CELF2: variants seen among roughly 807,000 people sequenced by gnomAD.
CELF2 encodes CUG triplet repeat RNA-binding protein 2.
In CELF2, 8 loss-of-function variants were observed where a neutral mutation model predicts 62.6. The ratio of observed to expected loss-of-function variants is 0.13; its 90% confidence interval spans 0.07 to 0.23. The LOEUF (loss-of-function observed/expected upper bound fraction) is 0.23, where lower values mean the gene tolerates loss of function less well. Ranked by LOEUF, CELF2 falls within the 10% of genes least tolerant of loss-of-function variation. CELF2 has a pLI of 1.00. For missense variants in CELF2, 333 were observed against 671.0 expected (o/e 0.50, Z 5.56); for synonymous variants, 258 against 250.0 (o/e 1.03, Z -0.30).
Position 11,297,447 on chromosome 10 carries a change from A to T in CELF2, c.976+8895A>T, listed in dbSNP as rs76792096. Among the ~76,000 whole-genome samples the T allele has an allele frequency of 0.025, 3,794 of 152,052 alleles. 77 individuals carry two copies. Among genetic ancestry groups the T allele is most frequent in the Middle Eastern group, 0.075 (22 of 294 alleles). Reference sequence around the variant, plus strand: ...AAAGCCTTGGGGTCTGTGCTTGTGGAACAGAGGGACCAGGGGATGGAAAGG... The same window carrying T: ...AAAGCCTTGGGGTCTGTGCTTGTGGTACAGAGGGACCAGGGGATGGAAAGG... On this transcript the variant is annotated intron_variant, in intron 9 of 12. Transcript: ENST00000633077. The surrounding 1 kb of genome is among the most constrained non-coding windows in gnomAD (Gnocchi z 4.4).
rs1332859302 is a variant in CELF2 at position 11,314,735 on chromosome 10, G to T, written c.1096+477G>T. On this transcript the variant is annotated intron_variant, in intron 10 of 12. Transcript: ENST00000633077. The surrounding 1 kb of genome is among the most constrained non-coding windows in gnomAD (Gnocchi z 5.3). Reference sequence around the variant, plus strand: ...GAGAATGGAAAGTTCTGGGTCAGATGATTCTTAAAGGTAGCCTCCAGCTCC... The same window carrying T: ...GAGAATGGAAAGTTCTGGGTCAGATTATTCTTAAAGGTAGCCTCCAGCTCC... 1 of 204,918 alleles carries T rather than the reference G, an allele frequency of 4.9e-6. No homozygotes were observed. Among genetic ancestry groups the T allele is most frequent in the Admixed American group, 5.5e-5 (1 of 18,148 alleles). 12.7% of individuals were successfully genotyped at this position (204,918 alleles called of 1,614,324 possible).
At chr10:11,095,649 C>T (rs2049630187) in intron 1 of CELF2, among the ~76,000 whole-genome samples, 1 of 152,110 alleles carries the variant, frequency 6.6e-6, no homozygotes, top group Admixed American at 6.6e-5. Flanking sequence ...AGGCCTGTTG[C>T]CTTTCAACTT....
At chr10:11,025,252 AC>A (rs2058998206) in intron 1 of CELF2, among the ~76,000 whole-genome samples, 3 of 38,360 alleles carry the variant, frequency 7.8e-5, no homozygotes, top group South Asian at 1.2e-3. Flanking sequence ...TATGTATGTG[AC>A]TGTATATCTG....
chr10:11,141,933 C>T (rs2061416528), intron 1 of CELF2, among the ~76,000 whole-genome samples: 1 of 152,174 alleles, frequency 6.6e-6, no homozygotes, highest in South Asian at 2.1e-4. Context: ...TAATGAGAGA[C>T]TGTAGCTTAG....
At chr10:10,976,583 T>A (rs879374629) in intron 2 of CELF2, among the ~76,000 whole-genome samples, 1 of 152,204 alleles carries the variant, frequency 6.6e-6, no homozygotes, top group Non-Finnish European at 1.5e-5. Flanking sequence ...TGTCTTCCCC[T>A]TTCTGGGTTC....
intron 2 of CELF2, among the ~76,000 whole-genome samples, chr10:10,992,704 G>A (rs2053562549): frequency 1.3e-5 from 2 of 152,148 alleles, no homozygotes; most frequent in Non-Finnish European, 2.9e-5. Flanking sequence ...TATATAGGTA[G>A]GTAGATGATC....
At chr10:11,092,130 C>T (rs1010339886) in intron 1 of CELF2, 2 of 152,174 alleles carry the variant, frequency 1.3e-5, no homozygotes, top group Non-Finnish European at 2.9e-5. Context: ...AAATAATCCC[C>T]ATACAGGCCT....
At position 11,008,003 on chromosome 10, in the gene CELF2, T is replaced by C. The variant is rs1183323018; in HGVS notation, c.53+2563T>C. On this transcript the variant is annotated intron_variant, in intron 1 of 12. Coordinates refer to the CELF2 transcript ENST00000416382. The surrounding 1 kb of genome is among the most constrained non-coding windows in gnomAD (Gnocchi z 4.5). ...TTACCAGCTCCCGGAATTTGGAAGCTGCCCCCATTCTAGCATCCGACATAC... is the reference window on the plus strand; with the variant it reads ...TTACCAGCTCCCGGAATTTGGAAGCCGCCCCCATTCTAGCATCCGACATAC... 2.6e-5 allele frequency among the ~76,000 whole-genome samples: 4 copies of C among 152,190 alleles called. No homozygotes were observed.
At chr10:11,265,790 C>T (rs2082048539) in intron 5 of CELF2, among the ~76,000 whole-genome samples, 1 of 152,216 alleles carries the variant, frequency 6.6e-6, no homozygotes, top group Non-Finnish European at 1.5e-5. Flanking sequence ...GGTCTCCCAG[C>T]AGATATTCAC....
chr10:11,299,220 G>A (rs919820151), intron 9 of CELF2, among the ~76,000 whole-genome samples: 3 of 152,270 alleles, frequency 2.0e-5, no homozygotes, highest in Admixed American at 6.5e-5. Context: ...GGCCCCTGGG[G>A]AGTTGTTGGT....
At chr10:10,648,863 A>C in the CELF2 span, among the ~76,000 whole-genome samples, 1 of 152,194 alleles carries the variant, frequency 6.6e-6, no homozygotes, top group Non-Finnish European at 1.5e-5. Context: ...CTATAGCTGC[A>C]TTCCATTGGG....
the CELF2 span, among the ~76,000 whole-genome samples, chr10:10,631,657 C>T: frequency 5.3e-5 from 8 of 152,200 alleles, no homozygotes; most frequent in African/African-American, 9.6e-5. Flanking sequence ...TTTTAGTGGA[C>T]CATCCACTGG....
intron 1 of CELF2, among the ~76,000 whole-genome samples, chr10:10,886,201 G>T (rs1242042018): frequency 6.6e-6 from 1 of 150,912 alleles, no homozygotes; most frequent in African/African-American, 2.4e-5. Context: ...GGTATTTATT[G>T]AGTCTGTGTA....
Position 11,318,996 on chromosome 10 carries a change from G to T in CELF2, c.1097-2193G>T, listed in dbSNP as rs139626987. 4.2e-6 allele frequency: 2 copies of T among 470,976 alleles called. No homozygotes were observed. Among genetic ancestry groups the T allele is most frequent in the African/African-American group, 4.0e-5 (2 of 50,068 alleles). The allele number at this position is 470,976 out of a possible 1,614,324, so 29.2% of individuals were successfully genotyped here. On this transcript the variant is annotated intron_variant, in intron 10 of 12. Transcript: ENST00000633077. This position sits in a 1 kb window ranked among gnomAD's most constrained non-coding sequence, Gnocchi z 5.4. ...GAACTTGGAGGCGTCCACTGGAGAC[G>T]AGCTGCTGTCTTCAGCCCGTCCTCG...
the CELF2 span, among the ~76,000 whole-genome samples, chr10:10,746,040 T>C: frequency 2.0e-5 from 3 of 152,352 alleles, no homozygotes; most frequent in African/African-American, 7.2e-5. Flanking sequence ...TCTGCCTTTG[T>C]CATTTCTCAT....
intron 2 of CELF2, among the ~76,000 whole-genome samples, chr10:10,962,580 G>A (rs999389890): frequency 2.6e-5 from 4 of 152,138 alleles, no homozygotes; most frequent in African/African-American, 4.8e-5. Flanking sequence ...TATTAACCAG[G>A]CATGGTGGTG....
At chr10:10,469,405 T>A in the CELF2 span, among the ~76,000 whole-genome samples, 18 of 151,868 alleles carry the variant, frequency 1.2e-4, no homozygotes, top group African/African-American at 4.3e-4. Context: ...GGAAACACAT[T>A]TAGTCTCTCA....
chr10:10,581,160 A>G, the CELF2 span, among the ~76,000 whole-genome samples: 43,164 of 152,122 alleles, frequency 0.28, 6,359 homozygotes, highest in East Asian at 0.5. Context: ...TGTGTTGTTT[A>G]CAAGCTAACA....
the CELF2 span, among the ~76,000 whole-genome samples, chr10:10,791,484 G>A: frequency 6.6e-6 from 1 of 151,354 alleles, no homozygotes; most frequent in African/African-American, 2.5e-5. Flanking sequence ...ATTAAATTAT[G>A]ACTTTAGAAA....
Sources: gnomAD v4.1 joint callset for allele counts (sites outside exome capture counted in the v4.1 genomes callset) on GRCh38, gnomAD v4.1.1 for gene constraint, Gnocchi (gnomAD v3.1) non-coding constraint, MANE v1.5 for transcripts, NCBI Gene and HGNC (gene_info 2026-07-23, HGNC 2026-07-21) for gene names.